Variants in PXN observed in about 807,000 individuals in gnomAD.
The protein encoded by PXN is paxillin.
In PXN, 61 loss-of-function variants were observed where a neutral mutation model predicts 103.6. The observed-to-expected ratio is 0.59, with a 90% confidence interval of 0.48 to 0.73. PXN has a LOEUF of 0.73. Ranked by LOEUF, PXN falls within the 30% of genes least tolerant of loss-of-function variation. The probability of loss-of-function intolerance (pLI) is 0.00; values close to 1 mark genes in which losing one functional copy is unlikely to be tolerated. For synonymous variants in PXN, 562 were observed against 607.8 expected (o/e 0.92, Z 1.11); for missense variants, 1,274 against 1,460.3 (o/e 0.87, Z 2.08).
In PXN at chr12:120,212,289, G is replaced by GGGGGCAGAGACA. The variant is rs761311631; in HGVS notation, c.*13_*24dup. 27 of 1,603,260 alleles carry GGGGGCAGAGACA rather than the reference G, an allele frequency of 1.7e-5. No individual in the cohort carries two copies. Among genetic ancestry groups the GGGGGCAGAGACA allele is most frequent in the Non-Finnish European group, 2.3e-5 (27 of 1,174,166 alleles). ...CAGTTGGGGATGCTGGCTGGGGAAG[G>GGGGGCAGAGACA]GGGGCAGAGACAGGGGCAGGGCACC... On this transcript the variant is annotated 3_prime_UTR_variant, in exon 15 of 15. Coordinates refer to ENST00000637617, the MANE Select transcript of PXN (RefSeq NM_001385981.1). This position sits in a 1 kb window ranked among gnomAD's most constrained non-coding sequence, Gnocchi z 7.2.
Position 120,216,943 on chromosome 12 carries a change from C to T in PXN, c.1890G>A (p.Pro630=), listed in dbSNP as rs977107464. ...RLGIQPEAEE[P]AEAAGPSAQD... is the part of the protein sequence containing the mutation. ...GGGCAGAGGGCCCCGCCGCCTCCGC[C>T]GGCTCCTCTGCCTCAGGCTGGATGC... Residue 630 remains proline, a synonymous_variant, in exon 8 of 15, where the codon CCG becomes CCA. Coordinates refer to ENST00000637617, the MANE Select transcript of PXN (RefSeq NM_001385981.1). The surrounding 1 kb of genome is among the most constrained non-coding windows in gnomAD (Gnocchi z 5.1). 1.2e-5 allele frequency: 19 copies of T among 1,532,448 alleles called. No homozygotes were observed. The highest frequency in any genetic ancestry group is 8.2e-5 in the African/African-American group (6 of 72,984). The allele number at this position is 1,532,448 out of a possible 1,614,324, so 94.9% of individuals were successfully genotyped here.
At chr12:120,264,963 G>A (rs975520046) in intron 1 of PXN, among the ~76,000 whole-genome samples, 2 of 152,110 alleles carry the variant, frequency 1.3e-5, no homozygotes, top group Admixed American at 6.6e-5. Context: ...TGAAGTGGGG[G>A]GTCAGAAGAG....
At position 120,252,588 on chromosome 12, in the gene PXN, C is replaced by T. The variant is rs534981773; in HGVS notation, c.13+13029G>A. On this transcript the variant is annotated intron_variant, in intron 1 of 14. Coordinates refer to ENST00000637617, the MANE Select transcript of PXN (RefSeq NM_001385981.1). Reference sequence around the variant, plus strand: ...AATTCAGAGACTGCAATACAAGATACCCCCTAGATCTGGCAACTGCATTTG... The same window carrying T: ...AATTCAGAGACTGCAATACAAGATATCCCCTAGATCTGGCAACTGCATTTG... Among the ~76,000 whole-genome samples, 4 of 152,138 alleles carry T rather than the reference C, an allele frequency of 2.6e-5. No individual in the cohort carries two copies. In the East Asian group the frequency reaches 5.8e-4, roughly 22 times the overall value.
chr12:120,227,152 C>G (rs760837560), intron 1 of PXN: 26 of 987,570 alleles, frequency 2.6e-5, no homozygotes, highest in Non-Finnish European at 3.0e-5. Context: ...AAGTAACATT[C>G]AAATTGTAGC....
At chr12:120,251,527 TAAAC>T (rs989922735) in intron 1 of PXN, among the ~76,000 whole-genome samples, 2 of 138,696 alleles carry the variant, frequency 1.4e-5, no homozygotes, top group African/African-American at 2.7e-5. Context: ...AATAAATAAA[TAAAC>T]AAACAGGCCG....
chr12:120,230,957 G>C (rs1887920311), intron 1 of PXN, among the ~76,000 whole-genome samples: 1 of 152,210 alleles, frequency 6.6e-6, no homozygotes, highest in African/African-American at 2.4e-5. Context: ...CCAGAGAGCA[G>C]GGGCCTTGTC....
intron 1 of PXN, among the ~76,000 whole-genome samples, chr12:120,264,860 G>A (rs1026973543): frequency 5.9e-5 from 9 of 152,020 alleles, no homozygotes; most frequent in Non-Finnish European, 1.2e-4. Context: ...CATGGTAGAC[G>A]GACTGGTCTG....
chr12:120,239,082 A>C (rs979729800), intron 1 of PXN, among the ~76,000 whole-genome samples: 1 of 152,232 alleles, frequency 6.6e-6, no homozygotes, highest in Non-Finnish European at 1.5e-5. Flanking sequence ...TCACCAAAAA[A>C]GCCAGGGAGC....
intron 7 of PXN, among the ~76,000 whole-genome samples, chr12:120,218,708 G>A (rs766866323): frequency 6.6e-6 from 1 of 152,190 alleles, no homozygotes; most frequent in Non-Finnish European, 1.5e-5. Flanking sequence ...CAAAAAGCAA[G>A]TAATAAAAGT....
intron 1 of PXN, among the ~76,000 whole-genome samples, chr12:120,244,530 C>G (rs975262896): frequency 6.6e-6 from 1 of 151,992 alleles, no homozygotes; most frequent in Non-Finnish European, 1.5e-5. Context: ...CGCCTGTAGT[C>G]CCAGCTACTC....
chr12:120,239,406 C>T (rs1889744125), intron 1 of PXN, among the ~76,000 whole-genome samples: 1 of 152,146 alleles, frequency 6.6e-6, no homozygotes, highest in Non-Finnish European at 1.5e-5. Flanking sequence ...CATGGTGAAA[C>T]CCCGTCTCTA....
At position 120,223,901 on chromosome 12, in the gene PXN, C is replaced by A. The variant is rs1396511668; in HGVS notation, c.241-68G>T. The A allele has an allele frequency of 5.7e-6, 7 of 1,222,874 alleles. No individual in the cohort carries two copies. The African/African-American group carries it at 1.1e-4, about 18-fold the overall frequency. The allele number at this position is 1,222,874 out of a possible 1,614,324, so 75.8% of individuals were successfully genotyped here. A position where few individuals can be genotyped will look rare whatever the true frequency, so the allele number is the denominator to read the frequency against. On this transcript the variant is annotated intron_variant, in intron 2 of 14. Coordinates refer to ENST00000637617, the MANE Select transcript of PXN (RefSeq NM_001385981.1). ...AAAGGAACAGGGGCCAGGAGCAGCT[C>A]CAGTCACCCCCAGGAGGCTCCTGCC...
intron 1 of PXN, among the ~76,000 whole-genome samples, chr12:120,255,959 G>A (rs905103118): frequency 6.7e-6 from 1 of 149,344 alleles, no homozygotes; most frequent in African/African-American, 2.5e-5. Flanking sequence ...CGGGGGGTTG[G>A]GGGGGGTGGG....
chr12:120,234,712 C>T (rs1165379064), intron 1 of PXN, among the ~76,000 whole-genome samples: 1 of 152,134 alleles, frequency 6.6e-6, no homozygotes, highest in Non-Finnish European at 1.5e-5. Flanking sequence ...TAATTCTGGG[C>T]TTTAGTTTAC....
intron 1 of PXN, chr12:120,226,873 C>CT: frequency 1.0e-6 from 1 of 995,748 alleles, no homozygotes; most frequent in South Asian, 4.3e-5. Flanking sequence ...TAAGGGCTAG[C>CT]AGGTACACTG....
In PXN at chr12:120,222,910, A is replaced by G; in HGVS notation, c.446T>C (p.Leu149Pro). The change falls in exon 4 of 15, where the codon CTG becomes CCG. Residue 149 changes from leucine (L) to proline (P), a missense_variant. Coordinates refer to ENST00000637617, the MANE Select transcript of PXN (RefSeq NM_001385981.1). This position sits in a 1 kb window ranked among gnomAD's most constrained non-coding sequence, Gnocchi z 4.7. ...ATGCTGTACAGCGTTCAGTTCCAGCAGCAGGCGGTCGAGTTCAGAAAGGTT... is the reference window on the plus strand; with the variant it reads ...ATGCTGTACAGCGTTCAGTTCCAGCGGCAGGCGGTCGAGTTCAGAAAGGTT... ...GSNLSELDRL[L>P]LELNAVQHNP... 6.2e-7 allele frequency: 1 copy of G among 1,614,010 alleles called. No homozygotes were observed. Among genetic ancestry groups the G allele is most frequent in the Non-Finnish European group, 8.5e-7 (1 of 1,179,888 alleles).
rs1420198109 is a variant in PXN at position 120,211,935 on chromosome 12, C to A, written c.*379G>T. 1.8e-6 allele frequency: 1 copy of A among 541,626 alleles called. No homozygotes were observed. Among genetic ancestry groups the A allele is most frequent in the South Asian group, 1.4e-5 (1 of 71,794 alleles). 33.6% of individuals were successfully genotyped at this position (541,626 alleles called of 1,614,324 possible). On this transcript the variant is annotated 3_prime_UTR_variant, in exon 15 of 15. Coordinates refer to ENST00000637617, the MANE Select transcript of PXN (RefSeq NM_001385981.1). ...AAGGATAAAAAGAGACCCCAACAGA[C>A]CCTGCCTGCCCTTCCCTGCCCCCCG...
Position 120,221,763 on chromosome 12 carries a change from A to G in PXN, c.696-5T>C. ...TGGTTCACAGTGATGGCAGGGCTGC[A>G]GGGTGGGCACAGCATCAGTGGGGAG... On this transcript the variant is annotated splice_region_variant and splice_polypyrimidine_tract_variant and intron_variant, in intron 5 of 14. Transcript: ENST00000637617. The surrounding 1 kb of genome is among the most constrained non-coding windows in gnomAD (Gnocchi z 6.6). 6.4e-7 allele frequency: 1 copy of G among 1,563,156 alleles called. No individual in the cohort carries two copies. Among genetic ancestry groups the G allele is most frequent in the East Asian group, 2.4e-5 (1 of 42,334 alleles).
intron 1 of PXN, among the ~76,000 whole-genome samples, chr12:120,255,218 T>C (rs1282305919): frequency 1.3e-5 from 2 of 152,052 alleles, no homozygotes; most frequent in South Asian, 4.1e-4. Flanking sequence ...GAGAAATCCT[T>C]TGGGAAAACA....
Sources: allele counts gnomAD v4.1 joint callset (sites outside exome capture counted in the v4.1 genomes callset), GRCh38; gene constraint gnomAD v4.1.1; non-coding constraint Gnocchi (gnomAD v3.1); transcripts MANE v1.5; gene names NCBI Gene and HGNC (gene_info 2026-07-23, HGNC 2026-07-21).